Variants in NECAB1 observed in about 807,000 individuals in gnomAD.
NECAB1 encodes N-terminal EF-hand calcium binding protein 1.
A neutral mutation model predicts 57.5 loss-of-function variants in NECAB1; 29 were observed. The ratio of observed to expected loss-of-function variants is 0.50; its 90% CI spans 0.38 to 0.69. The LOEUF (loss-of-function observed/expected upper bound fraction) is 0.69. Ranked by LOEUF, NECAB1 falls within the 30% of genes least tolerant of loss-of-function variation. NECAB1 has a pLI of 0.00. For synonymous variants in NECAB1, 142 were observed against 147.7 expected (o/e 0.96, Z 0.28); for missense variants, 372 against 413.8 (o/e 0.90, Z 0.88).
chr8:90,815,365 A>C (rs546441070), intron 2 of NECAB1, among the ~76,000 whole-genome samples: 11 of 152,128 alleles, frequency 7.2e-5, no homozygotes, highest in African/African-American at 2.6e-4. Flanking sequence ...CACATTCTGC[A>C]TTCTATCCTG....
At chr8:90,864,153 T>C (rs957482632) in intron 3 of NECAB1, among the ~76,000 whole-genome samples, 1 of 151,624 alleles carries the variant, frequency 6.6e-6, no homozygotes, top group Non-Finnish European at 1.5e-5. Flanking sequence ...CTGGCAGGAA[T>C]TGGAAATGTA....
intron 3 of NECAB1, among the ~76,000 whole-genome samples, chr8:90,828,698 A>G (rs1353379462): frequency 6.6e-6 from 1 of 152,046 alleles, no homozygotes; most frequent in Non-Finnish European, 1.5e-5. Context: ...ATTTTTCATT[A>G]TGTTCAGACA....
At chr8:90,865,761 T>C (rs1808501695) in intron 3 of NECAB1, among the ~76,000 whole-genome samples, 1 of 152,208 alleles carries the variant, frequency 6.6e-6, no homozygotes, top group African/African-American at 2.4e-5. Context: ...GGCTCAGTAC[T>C]CTGGTGACTG....
intron 3 of NECAB1, among the ~76,000 whole-genome samples, chr8:90,858,624 GA>G (rs546425109): frequency 0.094 from 12,857 of 137,276 alleles, 979 homozygotes; most frequent in African/African-American, 0.22. Flanking sequence ...ACAATTTGAA[GA>G]AAAAAAAAAA....
At chr8:90,842,431 T>C (rs1812470606) in intron 3 of NECAB1, among the ~76,000 whole-genome samples, 1 of 152,028 alleles carries the variant, frequency 6.6e-6, no homozygotes, top group Non-Finnish European at 1.5e-5. Flanking sequence ...GGAGTGAGGG[T>C]TGGTTAAGCT....
intron 3 of NECAB1, among the ~76,000 whole-genome samples, chr8:90,839,368 T>G (rs1262271839): frequency 6.6e-6 from 1 of 152,184 alleles, no homozygotes; most frequent in Admixed American, 6.5e-5. Flanking sequence ...AGCTTGAGCT[T>G]GCTATTCCCT....
intron 5 of NECAB1, among the ~76,000 whole-genome samples, chr8:90,901,566 T>C (rs375236270): frequency 3.5e-4 from 53 of 152,358 alleles, no homozygotes; most frequent in African/African-American, 1.2e-3. Context: ...AGGAGAGCTA[T>C]GTGGTCTTCA....
At chr8:90,810,222 T>A (rs1022917073) in intron 2 of NECAB1, among the ~76,000 whole-genome samples, 1 of 152,204 alleles carries the variant, frequency 6.6e-6, no homozygotes, top group African/African-American at 2.4e-5. Context: ...CCTAAATGAT[T>A]CAGTGTAATT....
intron 8 of NECAB1, among the ~76,000 whole-genome samples, 194 bp from the exon 9 acceptor site, chr8:90,934,110 C>G (rs1810474030): frequency 1.3e-5 from 2 of 152,018 alleles, no homozygotes; most frequent in Non-Finnish European, 2.9e-5. Flanking sequence ...CAGCTTCTTA[C>G]AATTGATAAA....
rs1374779159 is a variant in NECAB1 at position 90,955,593 on chromosome 8, G to A, written c.*81G>A. ...AAACGTCAATTAGAAAATTATCTGC[G>A]GTTGTTAATCTACTGTATATTTTTG... On this transcript the variant is annotated 3_prime_UTR_variant, in exon 13 of 13. Transcript: ENST00000417640. The A allele has an allele frequency of 1.5e-5, 16 of 1,080,300 alleles. No individual in the cohort carries two copies. The highest frequency in any genetic ancestry group is 8.4e-5 in the East Asian group (3 of 35,754). 66.9% of individuals were successfully genotyped at this position (1,080,300 alleles called of 1,614,324 possible).
chr8:90,875,744 G>A (rs1808712698), intron 4 of NECAB1, among the ~76,000 whole-genome samples: 1 of 151,428 alleles, frequency 6.6e-6, no homozygotes, highest in South Asian at 2.1e-4. Context: ...CGGGCGCGGT[G>A]GCTCACGCCT....
intron 3 of NECAB1, among the ~76,000 whole-genome samples, chr8:90,829,763 G>C (rs1586044727): frequency 6.6e-6 from 1 of 152,170 alleles, no homozygotes; most frequent in South Asian, 2.1e-4. Flanking sequence ...TCTTGAGCTA[G>C]CTCTGAAAGT....
intron 5 of NECAB1, among the ~76,000 whole-genome samples, chr8:90,885,493 A>C (rs985367542): frequency 1.3e-5 from 2 of 152,236 alleles, no homozygotes; most frequent in South Asian, 2.1e-4. Context: ...GTCAATGCCA[A>C]CTAGCATTCA....
chr8:90,813,771 C>A (rs1364849628), intron 2 of NECAB1, among the ~76,000 whole-genome samples: 2 of 152,112 alleles, frequency 1.3e-5, no homozygotes, highest in Non-Finnish European at 2.9e-5. Context: ...TCAAGTGATC[C>A]TTCTGCCTTG....
At chr8:90,827,512 T>C (rs766864960) in intron 3 of NECAB1, among the ~76,000 whole-genome samples, 8 of 152,048 alleles carry the variant, frequency 5.3e-5, no homozygotes, top group Non-Finnish European at 1.2e-4. Flanking sequence ...TTTAAGATTC[T>C]GTTCCTTGTG....
At chr8:90,847,491 T>C (rs1416134090) in intron 3 of NECAB1, among the ~76,000 whole-genome samples, 1 of 152,214 alleles carries the variant, frequency 6.6e-6, no homozygotes, top group Non-Finnish European at 1.5e-5. Flanking sequence ...GTGGCCCTCT[T>C]CTCACAGCTC....
At chr8:90,937,911 T>C (rs1451034425) in intron 9 of NECAB1, among the ~76,000 whole-genome samples, 1 of 152,184 alleles carries the variant, frequency 6.6e-6, no homozygotes, top group Non-Finnish European at 1.5e-5. Context: ...TATTCTCAAG[T>C]AATGTAACAG....
rs143486739 is a variant in NECAB1, at chr8:90,924,385, G to T, written c.495-1150G>T. Among the ~76,000 whole-genome samples, 429 of 152,248 alleles carry T rather than the reference G, an allele frequency of 2.8e-3. 2 individuals carry two copies. The highest frequency in any genetic ancestry group is 9.6e-3 in the African/African-American group (399 of 41,554). The stretch of plus-strand genomic sequence containing the variant: ...GAAAAAAAATGAAATCTAGTAAAAG[G>T]GGGATCAGAGGTCATCCAACACAGG... On this transcript the variant is annotated intron_variant, in intron 6 of 12. Coordinates refer to ENST00000417640, the MANE Select transcript of NECAB1 (RefSeq NM_022351.5).
intron 3 of NECAB1, among the ~76,000 whole-genome samples, chr8:90,836,310 A>G (rs995620325): frequency 6.6e-6 from 1 of 152,214 alleles, no homozygotes; most frequent in African/African-American, 2.4e-5. Context: ...AAGGTTTCTC[A>G]CTGGGAAAAA....
Sources: gnomAD v4.1 joint callset for allele counts (sites outside exome capture counted in the v4.1 genomes callset) on GRCh38, gnomAD v4.1.1 for gene constraint, MANE v1.5 for transcripts, NCBI Gene and HGNC (gene_info 2026-07-23, HGNC 2026-07-21) for gene names.